HOMER1: variants seen among roughly 807,000 people sequenced by gnomAD.
HOMER1 encodes homer protein homolog 1.
Under a neutral mutation model 48.9 loss-of-function variants are expected in HOMER1, and 3 were observed. The ratio of observed to expected loss-of-function variants is 0.06; its 90% CI spans 0.03 to 0.16. HOMER1 has a LOEUF of 0.16. Ranked by LOEUF, HOMER1 falls within the 10% of genes least tolerant of loss-of-function variation. The pLI, the probability that HOMER1 is intolerant of heterozygous loss-of-function variation, is 1.00. For missense variants in HOMER1, 247 were observed against 411.4 expected (o/e 0.60, Z 3.46); for synonymous variants, 134 against 146.4 (o/e 0.92, Z 0.61).
intron 5 of HOMER1, among the ~76,000 whole-genome samples, chr5:79,437,003 T>C (rs1460173430): frequency 6.6e-6 from 1 of 152,214 alleles, no homozygotes; most frequent in African/African-American, 2.4e-5. Flanking sequence ...AGTATCTCCA[T>C]GACTCATCTA....
chr5:79,447,603 C>T (rs1023479357), intron 3 of HOMER1, among the ~76,000 whole-genome samples: 4 of 152,120 alleles, frequency 2.6e-5, no homozygotes, highest in Non-Finnish European at 4.4e-5. Flanking sequence ...ATACACAATG[C>T]ATTTTCAGTA....
intron 5 of HOMER1, among the ~76,000 whole-genome samples, chr5:79,427,369 A>C (rs1219510556): frequency 6.6e-6 from 1 of 151,912 alleles, no homozygotes; most frequent in Non-Finnish European, 1.5e-5. Context: ...TAATTTATCC[A>C]GTTTTTTTTT....
intron 1 of HOMER1, among the ~76,000 whole-genome samples, chr5:79,457,372 AACAAAGTGACAATG>A (rs1751202625): frequency 6.6e-6 from 1 of 152,214 alleles, no homozygotes; most frequent in African/African-American, 2.4e-5. Context: ...TCTGAAACTG[AACAAAGTGACAATG>A]CCTTCTTGTT....
chr5:79,449,219 T>C (rs6859667), intron 3 of HOMER1, among the ~76,000 whole-genome samples: 7,600 of 151,704 alleles, frequency 0.05, 252 homozygotes, highest in Middle Eastern at 0.078. Flanking sequence ...GATATATTTA[T>C]AGATTTTTGC....
intron 4 of HOMER1, among the ~76,000 whole-genome samples, chr5:79,442,121 T>C (rs1483444858): frequency 6.6e-6 from 1 of 152,164 alleles, no homozygotes; most frequent in Non-Finnish European, 1.5e-5. Flanking sequence ...TCATTTTTTT[T>C]CTGAGAAACT....
At chr5:79,449,715 T>C (rs200389297) in intron 3 of HOMER1, among the ~76,000 whole-genome samples, 2 of 152,306 alleles carry the variant, frequency 1.3e-5, no homozygotes, top group East Asian at 3.9e-4. Flanking sequence ...CCTCAAATGA[T>C]CTGCCCTCCT....
chr5:79,493,586 C>T (rs1752346082), intron 1 of HOMER1, among the ~76,000 whole-genome samples: 1 of 152,218 alleles, frequency 6.6e-6, no homozygotes, highest in Non-Finnish European at 1.5e-5. Flanking sequence ...TTCCCTCAGT[C>T]TCCTTCTTTA....
At chr5:79,388,809 T>C (rs919736184) in intron 8 of HOMER1, among the ~76,000 whole-genome samples, 13 of 151,758 alleles carry the variant, frequency 8.6e-5, no homozygotes, top group Admixed American at 2.6e-4. Context: ...GAAAGTGAGA[T>C]AAAGTAAAGA....
intron 5 of HOMER1, among the ~76,000 whole-genome samples, chr5:79,432,207 G>T (rs1750445030): frequency 6.6e-6 from 1 of 152,082 alleles, no homozygotes; most frequent in South Asian, 2.1e-4. Flanking sequence ...TCTTCTCTAC[G>T]TCCTAGAGCA....
At chr5:79,481,050 C>T (rs932878429) in intron 1 of HOMER1, among the ~76,000 whole-genome samples, 14 of 152,180 alleles carry the variant, frequency 9.2e-5, no homozygotes, top group African/African-American at 3.4e-4. Context: ...ATTTATGATA[C>T]AGATCTATCT....
intron 8 of HOMER1, among the ~76,000 whole-genome samples, chr5:79,389,526 T>G (rs759236953): frequency 1.3e-5 from 2 of 152,154 alleles, no homozygotes; most frequent in Non-Finnish European, 2.9e-5. Flanking sequence ...CCTCTCCTCA[T>G]GAATGGGAGT....
chr5:79,512,090 G>C (rs1752959810), intron 1 of HOMER1, among the ~76,000 whole-genome samples: 1 of 152,206 alleles, frequency 6.6e-6, no homozygotes, highest in South Asian at 2.1e-4. Flanking sequence ...GGAAGGTGTA[G>C]ATCTGATACT....
At chr5:79,462,049 A>C (rs1472789460) in intron 1 of HOMER1, among the ~76,000 whole-genome samples, 1 of 152,072 alleles carries the variant, frequency 6.6e-6, no homozygotes, top group Non-Finnish European at 1.5e-5. Context: ...AAATACAAAA[A>C]TGAGCCAGGC....
At chr5:79,421,970 T>A (rs1217839391) in intron 5 of HOMER1, among the ~76,000 whole-genome samples, 1 of 152,176 alleles carries the variant, frequency 6.6e-6, no homozygotes, top group Non-Finnish European at 1.5e-5. Flanking sequence ...CTCACACCTC[T>A]AATCCCAGCA....
chr5:79,413,155 T>C (rs1222724475), intron 5 of HOMER1, among the ~76,000 whole-genome samples: 1 of 152,096 alleles, frequency 6.6e-6, no homozygotes, highest in Non-Finnish European at 1.5e-5. Context: ...CTGTGGGAAA[T>C]ACTAGAAAGT....
chr5:79,452,847 C>T (rs1261013327), intron 2 of HOMER1, among the ~76,000 whole-genome samples: 1 of 152,198 alleles, frequency 6.6e-6, no homozygotes, highest in Non-Finnish European at 1.5e-5. Context: ...AGTTCAAAAA[C>T]TGCTTTTCTT....
chr5:79,475,047 C>T (rs1020831059), intron 1 of HOMER1, among the ~76,000 whole-genome samples: 17 of 152,298 alleles, frequency 1.1e-4, no homozygotes, highest in African/African-American at 3.8e-4. Context: ...AATCTGAAGA[C>T]AAAGGCCTAA....
intron 5 of HOMER1, among the ~76,000 whole-genome samples, chr5:79,407,869 T>C (rs1749708093): frequency 1.3e-5 from 2 of 152,182 alleles, no homozygotes; most frequent in Admixed American, 1.3e-4. Context: ...TTACAGTAGC[T>C]CCTTATTCAT....
chr5:79,433,081 T>A (rs1750467854), intron 5 of HOMER1, among the ~76,000 whole-genome samples: 1 of 152,212 alleles, frequency 6.6e-6, no homozygotes, highest in African/African-American at 2.4e-5. Flanking sequence ...GTCCACAGTC[T>A]CATCCAAACA....
Sources: gnomAD v4.1 joint callset for allele counts (sites outside exome capture counted in the v4.1 genomes callset) on GRCh38, gnomAD v4.1.1 for gene constraint, MANE v1.5 for transcripts, NCBI Gene and HGNC (gene_info 2026-07-23, HGNC 2026-07-21) for gene names.